STXBP3: variants seen among roughly 807,000 people sequenced by gnomAD.
STXBP3 encodes the protein syntaxin-binding protein 3.
Under a neutral mutation model 85.7 loss-of-function variants are expected in STXBP3, and 41 were observed. The ratio of observed to expected loss-of-function variants is 0.48; its 90% CI spans 0.37 to 0.62. STXBP3 has a LOEUF of 0.62. Ranked by LOEUF, STXBP3 falls within the 20% of genes least tolerant of loss-of-function variation. The pLI, the probability that STXBP3 is intolerant of heterozygous loss-of-function variation, is 0.00. For synonymous variants in STXBP3, 229 were observed against 231.7 expected (o/e 0.99, Z 0.10); for missense variants, 563 against 703.1 (o/e 0.80, Z 2.25).
At chr1:108,796,765 GTGTATGTATGGT>G (rs771511201) in intron 15 of STXBP3, 39 bp downstream of exon 15, 1 of 1,502,102 alleles carries the variant, frequency 6.7e-7, no homozygotes, top group East Asian at 2.3e-5. Context: ...TTATATGTAT[GTGTATGTATGGT>G]TGTATGTATT....
intron 5 of STXBP3, among the ~76,000 whole-genome samples, chr1:108,759,585 C>T (rs1440307207): frequency 6.6e-6 from 1 of 151,992 alleles, no homozygotes. Context: ...AAAAATTAAC[C>T]ATTTGTGTTG....
intron 11 of STXBP3, among the ~76,000 whole-genome samples, chr1:108,786,311 C>T (rs750005013): frequency 2.0e-5 from 3 of 152,276 alleles, no homozygotes; most frequent in East Asian, 3.9e-4. Flanking sequence ...AACTCACTCA[C>T]TATCACAAGA....
At position 108,809,360 on chromosome 1, in the gene STXBP3, T is replaced by G. The variant is rs1454216974; in HGVS notation, c.*483T>G. ...ACTAAAATTCAGTTTATGTGTAAAA[T>G]AATTCAGTCATTAATAGAAATGGAG... On this transcript the variant is annotated 3_prime_UTR_variant, in exon 19 of 19. Transcript: ENST00000370008. The G allele has an allele frequency of 6.5e-6, 1 of 153,232 alleles. No individual in the cohort carries two copies. The highest frequency in any genetic ancestry group is 1.5e-5 in the Non-Finnish European group (1 of 68,526). The allele number at this position is 153,232 out of a possible 1,614,324, so 9.5% of individuals were successfully genotyped here. A position where few individuals can be genotyped will look rare whatever the true frequency, so the allele number is the denominator to read the frequency against.
chr1:108,805,899 C>T (rs1663321518), intron 17 of STXBP3, among the ~76,000 whole-genome samples: 1 of 152,098 alleles, frequency 6.6e-6, no homozygotes, highest in Non-Finnish European at 1.5e-5. Context: ...TAGCAAGACC[C>T]CATCTCTAAC....
intron 6 of STXBP3, among the ~76,000 whole-genome samples, chr1:108,770,782 G>T (rs1235266776): frequency 1.3e-5 from 2 of 151,952 alleles, no homozygotes; most frequent in South Asian, 4.1e-4. Flanking sequence ...CCTGGCTTTT[G>T]TATCCTCCAA....
At chr1:108,775,920 A>ACACAC (rs1662580962) in intron 7 of STXBP3, among the ~76,000 whole-genome samples, 3 of 149,984 alleles carry the variant, frequency 2.0e-5, no homozygotes, top group African/African-American at 7.3e-5. Flanking sequence ...ATAAATCTCA[A>ACACAC]ACACACACAC....
chr1:108,784,838 A>G (rs894599641), intron 11 of STXBP3, among the ~76,000 whole-genome samples: 2 of 152,228 alleles, frequency 1.3e-5, no homozygotes, highest in Non-Finnish European at 2.9e-5. Flanking sequence ...GCCATAACAG[A>G]GGGGCTTACA....
chr1:108,751,510 T>C (rs1483848129), intron 1 of STXBP3, among the ~76,000 whole-genome samples: 1 of 152,056 alleles, frequency 6.6e-6, no homozygotes, highest in Non-Finnish European at 1.5e-5. Flanking sequence ...ATTAATAAGA[T>C]TTAATGAAAA....
intron 16 of STXBP3, 115 bp downstream of exon 16, chr1:108,798,352 G>C: frequency 1.8e-6 from 1 of 571,332 alleles, no homozygotes; most frequent in Non-Finnish European, 2.8e-6. Context: ...TTCTGCAGTG[G>C]TTGGAGGCTT....
Position 108,796,613 on chromosome 1 carries a change from A to G in STXBP3, c.1250-7A>G, listed in dbSNP as rs1663108041. ...TGATTGTGCACTCATATTTTTACCT[A>G]TTTAAGGAACTACGGAAGAAAATTT... On this transcript the variant is annotated splice_polypyrimidine_tract_variant and splice_region_variant and intron_variant, in intron 14 of 18. Coordinates refer to ENST00000370008, the MANE Select transcript of STXBP3 (RefSeq NM_007269.4). 1 of 1,611,378 alleles carries G rather than the reference A, an allele frequency of 6.2e-7. No individual in the cohort carries two copies. Among genetic ancestry groups the G allele is most frequent in the South Asian group, 1.1e-5 (1 of 90,638 alleles).
chr1:108,746,941 C>T lies in STXBP3; in HGVS notation c.49+155C>T, dbSNP rs528295503. On this transcript the variant is annotated intron_variant, in intron 1 of 18. Transcript: ENST00000370008. ...TGAGGACTTCTTCCTGCTTTCCTGC[C>T]CTGCCTTATTCCTTGCCAGCACCAG... Among the ~76,000 whole-genome samples, 20 of 152,302 alleles carry T rather than the reference C, an allele frequency of 1.3e-4. No individual in the cohort carries two copies. The East Asian group carries it at 3.7e-3, about 28-fold the overall frequency.
intron 3 of STXBP3, among the ~76,000 whole-genome samples, chr1:108,754,790 T>C (rs1661982999): frequency 6.6e-6 from 1 of 152,198 alleles, no homozygotes; most frequent in African/African-American, 2.4e-5. Flanking sequence ...TTTTCTAAAC[T>C]TATTTGGCCA....
chr1:108,798,205 C>G lies in STXBP3; in HGVS notation c.1417C>G (p.Arg473Gly). ...RSAEETFQLS[R>G]WTPFIKDIME... ...TGCAGAAGAAACTTTTCAGCTCTCT[C>G]GGTGGACACCTTTTATCAAAGATAT... Residue 473 changes from arginine to glycine, a missense_variant, in exon 16 of 19, where the codon CGG becomes GGG. By Grantham distance (125) the Arg-to-Gly change is moderately radical (BLOSUM62 -2). Coordinates refer to ENST00000370008, the MANE Select transcript of STXBP3 (RefSeq NM_007269.4). 1 of 1,612,114 alleles carries G rather than the reference C, an allele frequency of 6.2e-7. No individual in the cohort carries two copies. The highest frequency in any genetic ancestry group is 8.5e-7 in the Non-Finnish European group (1 of 1,179,392).
chr1:108,760,813 G>A (rs899887197), intron 6 of STXBP3, among the ~76,000 whole-genome samples: 2 of 152,128 alleles, frequency 1.3e-5, no homozygotes, highest in African/African-American at 4.8e-5. Flanking sequence ...CTGTTGTTTG[G>A]AACTATGATC....
intron 1 of STXBP3, among the ~76,000 whole-genome samples, chr1:108,747,582 C>T (rs770712292): frequency 1.2e-4 from 18 of 152,192 alleles, no homozygotes; most frequent in Non-Finnish European, 2.4e-4. Flanking sequence ...CAGGAATAAC[C>T]ATCATTGTTT....
intron 1 of STXBP3, among the ~76,000 whole-genome samples, 171 bp from the exon 2 acceptor site, chr1:108,752,086 T>A (rs776098147): frequency 5.9e-5 from 9 of 152,210 alleles, no homozygotes; most frequent in Non-Finnish European, 1.3e-4. Flanking sequence ...AAATGTACTG[T>A]ATAGGCTAGG....
At chr1:108,783,785 T>C (rs1662772397) in intron 11 of STXBP3, among the ~76,000 whole-genome samples, 1 of 152,230 alleles carries the variant, frequency 6.6e-6, no homozygotes, top group South Asian at 2.1e-4. Context: ...TCAGCAATAA[T>C]TGAGTGCTCT....
chr1:108,809,164 C>A lies in STXBP3; in HGVS notation c.*287C>A. ...TATTAGAGTTGTGGGTAATTTTTCA[C>A]AGCCACCTATGTACATACTAATTAC... On this transcript the variant is annotated 3_prime_UTR_variant, in exon 19 of 19. Coordinates refer to ENST00000370008, the MANE Select transcript of STXBP3 (RefSeq NM_007269.4). The A allele has an allele frequency of 3.6e-6, 1 of 274,182 alleles. No individual in the cohort carries two copies. Among genetic ancestry groups the A allele is most frequent in the Non-Finnish European group, 6.8e-6 (1 of 146,802 alleles). The allele number at this position is 274,182 out of a possible 1,614,324, so 17.0% of individuals were successfully genotyped here. A position where few individuals can be genotyped will look rare whatever the true frequency, so the allele number is the denominator to read the frequency against.
rs1662735761 is a variant in STXBP3 at position 108,782,452 on chromosome 1, C to T, written c.840C>T (p.Ala280=). Residue 280 remains alanine, a synonymous_variant, in exon 10 of 19, where the codon GCC becomes GCT. Transcript: ENST00000370008. ...AAACAGATGGAAAAGAAAAGGAGGC[C>T]ATCCTTGAAGAAGAAGATGACCTCT... The part of the protein sequence containing the change: ...KYKTDGKEKE[A]ILEEEDDLWV... 1 of 1,613,538 alleles carries T rather than the reference C, an allele frequency of 6.2e-7. No individual in the cohort carries two copies. Among genetic ancestry groups the T allele is most frequent in the Non-Finnish European group, 8.5e-7 (1 of 1,179,810 alleles).
Sources: gnomAD v4.1 joint callset for allele counts (sites outside exome capture counted in the v4.1 genomes callset) on GRCh38, gnomAD v4.1.1 for gene constraint, MANE v1.5 for transcripts, NCBI Gene and HGNC (gene_info 2026-07-23, HGNC 2026-07-21) for gene names.